Variants in EXOC4 observed in about 807,000 individuals in gnomAD.
The protein encoded by EXOC4 is SEC8-like 1.
Under a neutral mutation model 107.2 loss-of-function variants are expected in EXOC4, and 71 were observed. The observed-to-expected ratio is 0.66, with a 90% CI of 0.55 to 0.81. The LOEUF (loss-of-function observed/expected upper bound fraction) is 0.81, where lower values mean the gene tolerates loss of function less well. Among genes scored for constraint, EXOC4 ranks in the 30% least tolerant of loss-of-function variants. The probability of loss-of-function intolerance (pLI) is 0.00; values close to 1 mark genes in which losing one functional copy is unlikely to be tolerated. For synonymous variants in EXOC4, 456 were observed against 441.2 expected, an observed-to-expected ratio of 1.03 and a Z score of -0.42; for missense variants, 1,108 against 1,189.6, an observed-to-expected ratio of 0.93 and a Z score of 1.01.
rs148579528 is a variant in EXOC4, at chr7:133,725,061, G to A, written c.1515-92264G>A. Among the ~76,000 whole-genome samples, 1,085 of 152,322 alleles carry A rather than the reference G, an allele frequency of 7.1e-3. 6 individuals carry two copies. Among genetic ancestry groups the A allele is most frequent in the African/African-American group, 0.022 (905 of 41,574 alleles). ...GGTCCTGAACAATAGCACTTTCTGT[G>A]ATGATGGAAGTAGTCTAAAATCTGC... On this transcript the variant is annotated intron_variant, in intron 10 of 17. Coordinates refer to ENST00000253861, the MANE Select transcript of EXOC4 (RefSeq NM_021807.4).
intron 7 of EXOC4, among the ~76,000 whole-genome samples, chr7:133,416,156 C>T (rs1320400485): frequency 6.6e-6 from 1 of 152,014 alleles, no homozygotes; most frequent in Non-Finnish European, 1.5e-5. Flanking sequence ...AATATATGCT[C>T]TATGAGAAAA....
chr7:133,366,407 T>C (rs1584856516), intron 6 of EXOC4, among the ~76,000 whole-genome samples: 1 of 152,346 alleles, frequency 6.6e-6, no homozygotes, highest in East Asian at 1.9e-4. Context: ...TGCTGGGTAA[T>C]TAGAAGTGTG....
At chr7:133,463,957 G>A (rs547844137) in intron 7 of EXOC4, among the ~76,000 whole-genome samples, 107 of 152,248 alleles carry the variant, frequency 7.0e-4, no homozygotes, top group African/African-American at 2.4e-3. Flanking sequence ...GATAGTACTA[G>A]CAAATAGATA....
chr7:133,523,448 T>TC (rs1203175292), intron 9 of EXOC4, among the ~76,000 whole-genome samples: 1 of 151,926 alleles, frequency 6.6e-6, no homozygotes, highest in Non-Finnish European at 1.5e-5. Context: ...TCTTTTTTTT[T>TC]TTTTTAATTA....
intron 17 of EXOC4, among the ~76,000 whole-genome samples, chr7:134,052,287 G>A (rs923355852): frequency 2.2e-4 from 33 of 152,148 alleles, no homozygotes; most frequent in African/African-American, 7.0e-4. Flanking sequence ...GGAGAAGGAG[G>A]ATGTTTGAAG....
Position 134,064,018 on chromosome 7 carries a change from C to CA in EXOC4, c.2688-266dup, listed in dbSNP as rs560132932. ...TCTCCCAAGGTAAATGCAAAATTAG[C>CA]AAAAAAATGTAGAATGAGCTGAGCC... On this transcript the variant is annotated intron_variant, in intron 17 of 17. Transcript: ENST00000253861. 9.2e-5 allele frequency among the ~76,000 whole-genome samples: 14 copies of CA among 152,072 alleles called. No homozygotes were observed. The East Asian group carries it at 1.7e-3, about 19-fold the overall frequency.
At chr7:133,339,146 T>A (rs770563923) in intron 5 of EXOC4, among the ~76,000 whole-genome samples, 1 of 152,224 alleles carries the variant, frequency 6.6e-6, no homozygotes, top group African/African-American at 2.4e-5. Flanking sequence ...TTGTGTTACT[T>A]CACTTAGAAT....
At chr7:133,804,521 A>T (rs144380949) in intron 10 of EXOC4, among the ~76,000 whole-genome samples, 4 of 152,306 alleles carry the variant, frequency 2.6e-5, no homozygotes, top group African/African-American at 9.6e-5. Flanking sequence ...TGAGTTTTCC[A>T]AAGTATTCAT....
chr7:133,821,461 T>G (rs1348915070), intron 11 of EXOC4, among the ~76,000 whole-genome samples: 1 of 152,196 alleles, frequency 6.6e-6, no homozygotes, highest in Non-Finnish European at 1.5e-5. Context: ...ACGTAGAGAA[T>G]TTAGGAGTGA....
intron 7 of EXOC4, among the ~76,000 whole-genome samples, chr7:133,406,102 C>A (rs1268454130): frequency 6.6e-6 from 1 of 152,184 alleles, no homozygotes; most frequent in Non-Finnish European, 1.5e-5. Context: ...ATTTACTGCT[C>A]ATAGAGCTCT....
At chr7:133,428,200 C>T (rs1304600890) in intron 7 of EXOC4, among the ~76,000 whole-genome samples, 2 of 152,134 alleles carry the variant, frequency 1.3e-5, no homozygotes, top group African/African-American at 4.8e-5. Flanking sequence ...CAATTTTATT[C>T]ACTTGGTCTG....
chr7:133,949,598 T>C (rs181741304), intron 14 of EXOC4, among the ~76,000 whole-genome samples: 1 of 152,220 alleles, frequency 6.6e-6, no homozygotes, highest in Non-Finnish European at 1.5e-5. Flanking sequence ...AGGTGACTTT[T>C]CAGCAAGTCT....
In EXOC4 at chr7:133,604,350, A is replaced by G. The variant is rs139000658; in HGVS notation, c.1418-25695A>G. ...TATTATCATTAGTAAGTAATGTATA[A>G]TGTTTGTAATTGTATGTGCTATACT... is the stretch of plus-strand genomic sequence containing the variant. On this transcript the variant is annotated intron_variant, in intron 9 of 17. Coordinates refer to ENST00000253861, the MANE Select transcript of EXOC4 (RefSeq NM_021807.4). 1.8e-3 allele frequency among the ~76,000 whole-genome samples: 276 copies of G among 152,320 alleles called. 1 individual carries two copies. Among genetic ancestry groups the G allele is most frequent in the African/African-American group, 6.4e-3 (265 of 41,582 alleles).
At chr7:133,487,172 T>C (rs1799283611) in intron 9 of EXOC4, among the ~76,000 whole-genome samples, 1 of 152,138 alleles carries the variant, frequency 6.6e-6, no homozygotes, top group Non-Finnish European at 1.5e-5. Context: ...ATCTTGAGAA[T>C]ACAAAATAAC....
intron 17 of EXOC4, among the ~76,000 whole-genome samples, chr7:134,050,407 T>C (rs1795757076): frequency 6.6e-6 from 1 of 152,228 alleles, no homozygotes; most frequent in Admixed American, 6.5e-5. Flanking sequence ...GTTAAATAAC[T>C]TTCCCAAGTT....
intron 7 of EXOC4, among the ~76,000 whole-genome samples, chr7:133,427,460 A>G (rs1201172269): frequency 6.6e-6 from 1 of 152,226 alleles, no homozygotes; most frequent in African/African-American, 2.4e-5. Context: ...ATAAAGCAGT[A>G]AGTAGAATGG....
chr7:133,301,727 A>G (rs1403731595), intron 3 of EXOC4, among the ~76,000 whole-genome samples: 1 of 152,174 alleles, frequency 6.6e-6, no homozygotes, highest in Non-Finnish European at 1.5e-5. Context: ...TCTATTCACA[A>G]ACAGTTACTG....
At position 133,997,585 on chromosome 7, in the gene EXOC4, T is replaced by TC; in HGVS notation, c.2302dup (p.Gln768ProfsTer5). On this transcript the variant is annotated frameshift_variant, in exon 15 of 18. Coordinates refer to ENST00000253861, the MANE Select transcript of EXOC4 (RefSeq NM_021807.4). LOFTEE classifies it high-confidence loss of function. ...ACTCTCAGTGAACTTGCCAAATCGT[T>TC]CCAGGATATGGCTGACCGCTGCTTG... The TC allele has an allele frequency of 6.2e-7, 1 of 1,613,654 alleles. No homozygotes were observed. The highest frequency in any genetic ancestry group is 8.5e-7 in the Non-Finnish European group (1 of 1,179,768).
intron 13 of EXOC4, among the ~76,000 whole-genome samples, chr7:133,920,004 A>G (rs1799902832): frequency 6.6e-6 from 1 of 152,344 alleles, no homozygotes; most frequent in East Asian, 1.9e-4. Context: ...CATTCCTACC[A>G]GCAAGGAACA....
Sources: allele counts gnomAD v4.1 joint callset (sites outside exome capture counted in the v4.1 genomes callset), GRCh38; gene constraint gnomAD v4.1.1; transcripts MANE v1.5; gene names NCBI Gene and HGNC (gene_info 2026-07-23, HGNC 2026-07-21).